Variants in SLC9B2 observed in about 807,000 individuals in gnomAD.
SLC9B2 encodes the protein solute carrier family 9 member B2, also known as sodium/hydrogen exchanger 9B2.
SLC9B2 carries 39 observed loss-of-function variants against 52.2 expected under a neutral mutation model. That is an observed-to-expected ratio of 0.75 (90% confidence interval 0.58 to 0.98). SLC9B2 has a LOEUF of 0.98. Ranked by LOEUF, SLC9B2 falls within the 50% of genes least tolerant of loss-of-function variation. The pLI, the probability that SLC9B2 is intolerant of heterozygous loss-of-function variation, is 0.00. For synonymous variants in SLC9B2, 214 were observed against 227.0 expected (o/e 0.94, Z 0.51); for missense variants, 626 against 637.5 (o/e 0.98, Z 0.19).
At chr4:103,028,569 T>C (rs1742419999) in intron 11 of SLC9B2, among the ~76,000 whole-genome samples, 178 bp downstream of exon 11, 2 of 152,146 alleles carry the variant, frequency 1.3e-5, no homozygotes, top group African/African-American at 4.8e-5. Flanking sequence ...AGCTATCACA[T>C]TTAAGGAATG....
chr4:103,044,806 A>T, intron 8 of SLC9B2, 84 bp downstream of exon 8: 1 of 1,095,946 alleles, frequency 9.1e-7, no homozygotes, highest in Non-Finnish European at 1.4e-6. Flanking sequence ...CATGTCCTTC[A>T]CATCTGTCTT....
downstream of SLC9B2, chr4:103,019,511 G>T: frequency 1.1e-6 from 1 of 913,818 alleles, no homozygotes; most frequent in Non-Finnish European, 1.3e-6. Flanking sequence ...AGGCCCTCCT[G>T]CGGCCTACCG....
In SLC9B2 at chr4:103,025,790, A is replaced by T. The variant is rs1560538679; in HGVS notation, c.*580T>A. The T allele has an allele frequency of 1.3e-5, 2 of 152,228 alleles. No individual in the cohort carries two copies. The highest frequency in any genetic ancestry group is 6.5e-5 in the Admixed American group (1 of 15,268). The allele number at this position is 152,228 out of a possible 1,614,324, so 9.4% of individuals were successfully genotyped here. On this transcript the variant is annotated 3_prime_UTR_variant, in exon 12 of 12. Transcript: ENST00000394785. ...GACATCTGGAGGGGGCAAGAGGATG[A>T]ACCAATGAAGATACTTCATGTACTT...
In SLC9B2 at chr4:103,024,176, A is replaced by C. The variant is rs1428738976; in HGVS notation, c.*2194T>G. On this transcript the variant is annotated 3_prime_UTR_variant, in exon 12 of 12. Transcript: ENST00000394785. ...TGTCTGTTTTCTCTATTGGACTGTT[A>C]AATCCTTAAGGACAGGGACAATATT... is the stretch of plus-strand genomic sequence containing the variant. 6.6e-6 allele frequency among the ~76,000 whole-genome samples: 1 copy of C among 152,212 alleles called. No individual in the cohort carries two copies. Among genetic ancestry groups the C allele is most frequent in the Non-Finnish European group, 1.5e-5 (1 of 68,032 alleles).
chr4:103,066,790 T>C (rs1746172971), intron 2 of SLC9B2, among the ~76,000 whole-genome samples: 1 of 151,950 alleles, frequency 6.6e-6, no homozygotes, highest in Non-Finnish European at 1.5e-5. Flanking sequence ...AGCACTGACA[T>C]GACACACAAG....
At chr4:103,035,600 C>T (rs1023388353) in intron 9 of SLC9B2, among the ~76,000 whole-genome samples, 1 of 152,106 alleles carries the variant, frequency 6.6e-6, no homozygotes, top group Non-Finnish European at 1.5e-5. Context: ...CTTCCACCAA[C>T]AGAATGGCTA....
chr4:103,020,323 G>A (rs935618063), downstream of SLC9B2: 1 of 450,142 alleles, frequency 2.2e-6, no homozygotes, highest in African/African-American at 2.0e-5. Flanking sequence ...GCGGAGCTGC[G>A]TTGATGGTGG....
chr4:103,027,550 G>A (rs1163574222), intron 11 of SLC9B2, among the ~76,000 whole-genome samples: 1 of 152,088 alleles, frequency 6.6e-6, no homozygotes, highest in Non-Finnish European at 1.5e-5. Flanking sequence ...TATTATCAGT[G>A]CAGATGGGAA....
rs1005298780 is a variant in SLC9B2, at chr4:103,076,737, C to A, written c.-596G>T. The stretch of plus-strand genomic sequence containing the variant: ...GAAAGCTTACCCAGAGAGCGCGGAC[C>A]CAGGCGCCGAGTCTTCCCGGAGATG... On this transcript the variant is annotated 5_prime_UTR_variant, in exon 1 of 12. Transcript: ENST00000394785. 6.6e-6 allele frequency: 1 copy of A among 152,308 alleles called. No individual in the cohort carries two copies. The highest frequency in any genetic ancestry group is 1.5e-5 in the Non-Finnish European group (1 of 68,096). 9.4% of individuals were successfully genotyped at this position (152,308 alleles called of 1,614,324 possible).
chr4:103,042,911 T>A (rs1267037766), intron 9 of SLC9B2, among the ~76,000 whole-genome samples: 16 of 152,072 alleles, frequency 1.1e-4, no homozygotes, highest in Admixed American at 1.0e-3. Flanking sequence ...CTTGGTGTCA[T>A]ATAAAATAAT....
At chr4:103,049,058 G>A (rs1243589621) in intron 5 of SLC9B2, 38 bp from the exon 6 acceptor site, 1 of 1,604,976 alleles carries the variant, frequency 6.2e-7, no homozygotes, top group South Asian at 1.1e-5. Flanking sequence ...ATAATCCTCT[G>A]AAGATGTGCA....
chr4:103,060,426 C>T (rs192694815), intron 3 of SLC9B2, among the ~76,000 whole-genome samples: 113 of 151,510 alleles, frequency 7.5e-4, no homozygotes, highest in African/African-American at 2.6e-3. Context: ...GTTTTGTACT[C>T]ATGTTTTCTA....
chr4:103,019,927 T>C, downstream of SLC9B2: 1 of 987,574 alleles, frequency 1.0e-6, no homozygotes. Flanking sequence ...CTGGGCATTT[T>C]AGCCAAAAAG....
downstream of SLC9B2, among the ~76,000 whole-genome samples, chr4:103,021,260 G>A (rs931707747): frequency 2.6e-5 from 4 of 152,136 alleles, no homozygotes; most frequent in East Asian, 3.9e-4. Flanking sequence ...AAGATGGAGC[G>A]CACATCAACA....
At chr4:103,063,433 C>A (rs1578477764) in intron 3 of SLC9B2, among the ~76,000 whole-genome samples, 1 of 152,228 alleles carries the variant, frequency 6.6e-6, no homozygotes, top group East Asian at 1.9e-4. Context: ...TCAGAGCCCA[C>A]AAAGTATAAC....
intron 1 of SLC9B2, among the ~76,000 whole-genome samples, chr4:103,073,493 T>C (rs1746850489): frequency 6.6e-6 from 1 of 152,166 alleles, no homozygotes; most frequent in African/African-American, 2.4e-5. Context: ...GAGTAGGGCT[T>C]AACACTTTCT....
At chr4:103,042,511 G>A (rs1031020667) in intron 9 of SLC9B2, 1 of 151,634 alleles carries the variant, frequency 6.6e-6, no homozygotes, top group African/African-American at 2.4e-5. Context: ...TATAAAAATG[G>A]CAAAGGCTTT....
At chr4:103,070,424 A>C (rs1206239951) in intron 1 of SLC9B2, among the ~76,000 whole-genome samples, 1 of 152,064 alleles carries the variant, frequency 6.6e-6, no homozygotes, top group Non-Finnish European at 1.5e-5. Context: ...GAGCCCATTA[A>C]CCCTTATTTT....
At chr4:103,029,118 A>G (rs1461914742) in intron 10 of SLC9B2, among the ~76,000 whole-genome samples, 2 of 152,206 alleles carry the variant, frequency 1.3e-5, no homozygotes, top group South Asian at 2.1e-4. Context: ...GCATATTTGA[A>G]TTCTTATGTA....
Sources: allele counts gnomAD v4.1 joint callset (sites outside exome capture counted in the v4.1 genomes callset), GRCh38; gene constraint gnomAD v4.1.1; transcripts MANE v1.5; gene names NCBI Gene and HGNC (gene_info 2026-07-23, HGNC 2026-07-21).